Variants in COL26A1 observed in about 807,000 individuals in gnomAD.
The protein encoded by COL26A1 is collagen alpha-1(XXVI) chain.
COL26A1 carries 41 observed loss-of-function variants against 59.3 expected under a neutral mutation model. That is an observed-to-expected ratio of 0.69 (90% CI 0.54 to 0.90). The LOEUF (loss-of-function observed/expected upper bound fraction) is 0.90, where lower values mean the gene tolerates loss of function less well. COL26A1 is among the 40% of genes least tolerant of loss of function. The pLI, the probability that COL26A1 is intolerant of heterozygous loss-of-function variation, is 0.00. For synonymous variants in COL26A1, 266 were observed against 256.0 expected (o/e 1.04, Z -0.37); for missense variants, 612 against 602.3 (o/e 1.02, Z -0.17).
chr7:101,382,496 C>G (rs1464856764), intron 1 of COL26A1, among the ~76,000 whole-genome samples: 1 of 152,178 alleles, frequency 6.6e-6, no homozygotes, highest in Admixed American at 6.5e-5. Context: ...GATCCTTTTT[C>G]TGAACTCTTA....
At chr7:101,501,895 T>C (rs1794714081) in intron 3 of COL26A1, among the ~76,000 whole-genome samples, 1 of 152,164 alleles carries the variant, frequency 6.6e-6, no homozygotes, top group African/African-American at 2.4e-5. Flanking sequence ...TGTGTATACA[T>C]GGGCTGTGTG....
intron 3 of COL26A1, among the ~76,000 whole-genome samples, chr7:101,514,085 C>T (rs531035064): frequency 6.6e-6 from 1 of 152,188 alleles, no homozygotes; most frequent in Non-Finnish European, 1.5e-5. Flanking sequence ...CCTGTAATCC[C>T]AGCACTTTGG....
chr7:101,506,992 G>T (rs1017287228), intron 3 of COL26A1, among the ~76,000 whole-genome samples: 2 of 151,194 alleles, frequency 1.3e-5, no homozygotes, highest in Non-Finnish European at 2.9e-5. Context: ...TCGGCTCACC[G>T]CAACCTCCGC....
intron 3 of COL26A1, among the ~76,000 whole-genome samples, chr7:101,463,334 G>C (rs1211275858): frequency 2.0e-5 from 3 of 152,110 alleles, no homozygotes; most frequent in African/African-American, 7.2e-5. Flanking sequence ...CATGTAGCAA[G>C]GGTCAGAATT....
chr7:101,554,913 C>G (rs1042038357), intron 11 of COL26A1, among the ~76,000 whole-genome samples: 9 of 152,096 alleles, frequency 5.9e-5, no homozygotes, highest in African/African-American at 1.5e-4. Flanking sequence ...TTCCCATTGT[C>G]TTTGGTCCCC....
intron 1 of COL26A1, among the ~76,000 whole-genome samples, chr7:101,392,118 AG>A (rs1791745153): frequency 6.6e-6 from 1 of 152,128 alleles, no homozygotes; most frequent in Non-Finnish European, 1.5e-5. Flanking sequence ...CTAAGGAAAG[AG>A]GTCATTCTGG....
intron 3 of COL26A1, among the ~76,000 whole-genome samples, chr7:101,453,917 G>A (rs374821313): frequency 3.8e-4 from 58 of 152,266 alleles, no homozygotes; most frequent in African/African-American, 1.4e-3. Context: ...AGTTCAGTGG[G>A]TTTTGCTGTG....
chr7:101,502,092 A>G (rs1161955547), intron 3 of COL26A1, among the ~76,000 whole-genome samples: 1 of 152,184 alleles, frequency 6.6e-6, no homozygotes, highest in Non-Finnish European at 1.5e-5. Flanking sequence ...GCTGACGCCT[A>G]TAATCCCAGC....
chr7:101,483,797 C>G (rs574393470), intron 3 of COL26A1, among the ~76,000 whole-genome samples: 110 of 152,144 alleles, frequency 7.2e-4, no homozygotes, highest in Non-Finnish European at 1.4e-3. Context: ...GCCTCAGCCT[C>G]CCGAGTAGCT....
chr7:101,398,407 A>T (rs1316394736), intron 1 of COL26A1, among the ~76,000 whole-genome samples: 1 of 152,126 alleles, frequency 6.6e-6, no homozygotes, highest in Non-Finnish European at 1.5e-5. Context: ...CTCCGCCCAT[A>T]AAGGGCAGAA....
chr7:101,530,460 C>T (rs1189943079), intron 3 of COL26A1, among the ~76,000 whole-genome samples: 2 of 149,544 alleles, frequency 1.3e-5, no homozygotes, highest in Non-Finnish European at 3.0e-5. Context: ...CCTAGCTACC[C>T]GGGAGGCTGA....
intron 2 of COL26A1, among the ~76,000 whole-genome samples, chr7:101,446,757 G>C (rs1793204211): frequency 6.6e-6 from 1 of 152,048 alleles, no homozygotes; most frequent in Middle Eastern, 3.4e-3. Flanking sequence ...TGAGGCAGGA[G>C]AATCGCTTGA....
chr7:101,490,591 C>G (rs1794436184), intron 3 of COL26A1, among the ~76,000 whole-genome samples: 1 of 152,026 alleles, frequency 6.6e-6, no homozygotes, highest in African/African-American at 2.4e-5. Context: ...ATCCCACCTA[C>G]TCGAGAGGCT....
In COL26A1 at chr7:101,466,795, G is replaced by GGTGTGTGTGTGTGTGTGTGT. The variant is rs59942660; in HGVS notation, c.385+19032_385+19051dup. ...GAATGCTAAGACCCCGGCATGTTCTGGTGTGTGTGTGTGTGTGTGTGTGTG... is the reference window on the plus strand; with the variant it reads ...GAATGCTAAGACCCCGGCATGTTCTGGTGTGTGTGTGTGTGTGTGTGTGTGTGTGTGTGTGTGTGTGTGTG... On this transcript the variant is annotated intron_variant, in intron 3 of 12. Transcript: ENST00000313669. Among the ~76,000 whole-genome samples, 36 of 125,238 alleles carry GGTGTGTGTGTGTGTGTGTGT rather than the reference G, an allele frequency of 2.9e-4. No individual in the cohort carries two copies. The East Asian group carries it at 3.1e-3, about 11-fold the overall frequency. The allele number at this position is 125,238 out of a possible 152,430, so 82.2% of individuals were successfully genotyped here.
chr7:101,436,541 CAG>C (rs1207868077), intron 2 of COL26A1, among the ~76,000 whole-genome samples: 2 of 152,102 alleles, frequency 1.3e-5, no homozygotes, highest in African/African-American at 4.8e-5. Context: ...TCTGGGCTGG[CAG>C]AGTCATTCTG....
chr7:101,489,842 CTT>C lies in COL26A1; in HGVS notation c.385+42057_385+42058del, dbSNP rs1252653956. ...TCTTTCTTTCTTTCTTTCTTTCTTT[CTT>C]TCTTTCTTTCTTTCTTTCTTTCTTT... On this transcript the variant is annotated intron_variant, in intron 3 of 12. Transcript: ENST00000313669. 5.3e-4 allele frequency among the ~76,000 whole-genome samples: 11 copies of C among 20,748 alleles called. 1 individual carries two copies. Among genetic ancestry groups the C allele is most frequent in the East Asian group, 2.4e-3 (2 of 836 alleles). The allele number at this position is 20,748 out of a possible 152,430, so 13.6% of individuals were successfully genotyped here.
At chr7:101,520,663 C>CA (rs57784373) in intron 3 of COL26A1, among the ~76,000 whole-genome samples, 5,780 of 139,054 alleles carry the variant, frequency 0.042, 274 homozygotes, top group African/African-American at 0.14. Context: ...CACACACACA[C>CA]CCCCGTGTTC....
At chr7:101,394,639 T>C (rs566745786) in intron 1 of COL26A1, among the ~76,000 whole-genome samples, 7 of 142,134 alleles carry the variant, frequency 4.9e-5, no homozygotes, top group African/African-American at 1.5e-4. Flanking sequence ...CTCAGGCTGG[T>C]CTTGAACTCC....
chr7:101,533,204 G>T lies in COL26A1; in HGVS notation c.447+61G>T, dbSNP rs549445010. The T allele has an allele frequency of 2.0e-5, 26 of 1,275,482 alleles. No individual in the cohort carries two copies. The East Asian group carries it at 6.0e-4, about 29-fold the overall frequency. The allele number at this position is 1,275,482 out of a possible 1,614,324, so 79.0% of individuals were successfully genotyped here. A position where few individuals can be genotyped will look rare whatever the true frequency, so the allele number is the denominator to read the frequency against. On this transcript the variant is annotated intron_variant, in intron 4 of 12. Transcript: ENST00000313669. ...GCCTGGGGACCTTGGGTGGTGGAGGGAGGCATCAGGCAACCACTGGGTGTG... is the reference window on the plus strand; with the variant it reads ...GCCTGGGGACCTTGGGTGGTGGAGGTAGGCATCAGGCAACCACTGGGTGTG...
Sources: gnomAD v4.1 joint callset for allele counts (sites outside exome capture counted in the v4.1 genomes callset) on GRCh38, gnomAD v4.1.1 for gene constraint, MANE v1.5 for transcripts, NCBI Gene and HGNC (gene_info 2026-07-23, HGNC 2026-07-21) for gene names.